The following DPH6 variants were observed in gnomAD, a reference collection of about 807,000 sequenced individuals.
DPH6 encodes the protein diphthamine biosynthesis 6, also known as diphthine--ammonia ligase.
A neutral mutation model predicts 38.2 loss-of-function variants in DPH6; 33 were observed. That is an observed-to-expected ratio of 0.86 (90% CI 0.65 to 1.15). The LOEUF (loss-of-function observed/expected upper bound fraction) is 1.15. DPH6 is among the 50% of genes most tolerant of loss of function. The pLI, the probability that DPH6 is intolerant of heterozygous loss-of-function variation, is 0.00. For synonymous variants in DPH6, 108 were observed against 103.0 expected (o/e 1.05, Z -0.30); for missense variants, 325 against 320.0 (o/e 1.02, Z -0.12).
At chr15:35,270,319 C>T (rs533940317) in intron 3 of DPH6, among the ~76,000 whole-genome samples, 3 of 152,274 alleles carry the variant, frequency 2.0e-5, no homozygotes, top group Non-Finnish European at 2.9e-5. Context: ...TTCAGAGAAA[C>T]AATATTATGA....
intron 6 of DPH6, chr15:35,401,645 C>A: frequency 1.3e-6 from 1 of 753,460 alleles, no homozygotes; most frequent in South Asian, 1.3e-5. Context: ...AGGTAGGAAA[C>A]TTTGGAGGCA....
intron 3 of DPH6, among the ~76,000 whole-genome samples, chr15:35,523,362 G>C (rs1198406910): frequency 1.3e-5 from 2 of 150,468 alleles, no homozygotes; most frequent in African/African-American, 2.4e-5. Context: ...AAATTAGTGA[G>C]GAATTCCCCA....
chr15:35,227,174 CTTTTTTTTTTTTTT>C (rs71415001), intron 3 of DPH6, among the ~76,000 whole-genome samples: 2 of 77,036 alleles, frequency 2.6e-5, no homozygotes, highest in Non-Finnish European at 5.3e-5. Context: ...ATAACATCTT[CTTTTTTTTTTTTTT>C]TTTTTTTTTT....
intron 6 of DPH6, among the ~76,000 whole-genome samples, chr15:35,402,169 G>C (rs1220106458): frequency 6.6e-6 from 1 of 152,180 alleles, no homozygotes; most frequent in Non-Finnish European, 1.5e-5. Flanking sequence ...CCAACAGTGT[G>C]AAGTTAGAAT....
intron 3 of DPH6, among the ~76,000 whole-genome samples, chr15:35,293,423 T>A (rs1002300108): frequency 6.6e-6 from 1 of 152,196 alleles, no homozygotes; most frequent in African/African-American, 2.4e-5. Context: ...CAAAAACACA[T>A]AATTAATCCT....
chr15:35,489,806 G>A lies in DPH6; in HGVS notation c.313-34986C>T, dbSNP rs144502679. 6.4e-3 allele frequency: 6,254 copies of A among 980,094 alleles called. 23 individuals carry two copies. The highest frequency in any genetic ancestry group is 7.1e-3 in the Non-Finnish European group (5,823 of 825,218). The allele number at this position is 980,094 out of a possible 1,614,324, so 60.7% of individuals were successfully genotyped here. ...ACAAAATTCTCTACCTTCATGTGCC[G>A]TTTTATTTGTCTAATAATGTACTTT... is the stretch of plus-strand genomic sequence containing the variant. On this transcript the variant is annotated intron_variant, in intron 3 of 8. Transcript: ENST00000256538.
chr15:35,246,897 T>C (rs1012273880), intron 3 of DPH6, among the ~76,000 whole-genome samples: 3 of 152,204 alleles, frequency 2.0e-5, no homozygotes, highest in Non-Finnish European at 4.4e-5. Context: ...CTAGATTTTA[T>C]GGCTGTGTAG....
At chr15:35,159,777 C>T in the DPH6 span, among the ~76,000 whole-genome samples, 2 of 151,878 alleles carry the variant, frequency 1.3e-5, no homozygotes, top group South Asian at 2.1e-4. Context: ...GCACTATTCA[C>T]AATAAGAAAA....
intron 6 of DPH6, among the ~76,000 whole-genome samples, chr15:35,402,114 G>A (rs115850551): frequency 0.021 from 3,206 of 152,208 alleles, 101 homozygotes; most frequent in African/African-American, 0.074. Flanking sequence ...TTTAAAAAAC[G>A]TGTTGTGTAG....
At chr15:35,384,659 G>A (rs1298689145) in intron 6 of DPH6, among the ~76,000 whole-genome samples, 2 of 132,132 alleles carry the variant, frequency 1.5e-5, no homozygotes, top group African/African-American at 6.6e-5. Flanking sequence ...GTGAAACTCT[G>A]TCTCAAAAAA....
At chr15:35,228,757 T>G (rs981850931) in intron 3 of DPH6, among the ~76,000 whole-genome samples, 5 of 152,220 alleles carry the variant, frequency 3.3e-5, no homozygotes, top group Admixed American at 6.5e-5. Context: ...GTTGATGAAA[T>G]TCCTCATCTT....
intron 3 of DPH6, among the ~76,000 whole-genome samples, chr15:35,486,588 C>T (rs2141162373): frequency 6.6e-6 from 1 of 152,140 alleles, no homozygotes; most frequent in South Asian, 2.1e-4. Flanking sequence ...CCCCATGATC[C>T]AATTACCTCC....
At position 35,543,259 on chromosome 15, in the gene DPH6, AATATATAT is replaced by A. The variant is rs6145522; in HGVS notation, c.24-760_24-753del. Among the ~76,000 whole-genome samples the A allele has an allele frequency of 7.9e-3, 899 of 113,976 alleles. 14 individuals are homozygous for A. Among genetic ancestry groups the A allele is most frequent in the African/African-American group, 0.033 (796 of 24,162 alleles). The allele number at this position is 113,976 out of a possible 152,430, so 74.8% of individuals were successfully genotyped here. A position where few individuals can be genotyped will look rare whatever the true frequency, so the allele number is the denominator to read the frequency against. ...ATACATATAGTACACACATACACAT[AATATATAT>A]ATATATATATATATATATATATATA... On this transcript the variant is annotated intron_variant, in intron 1 of 8. Transcript: ENST00000256538.
intron 3 of DPH6, among the ~76,000 whole-genome samples, chr15:35,243,587 G>C (rs1315949894): frequency 1.3e-5 from 2 of 149,062 alleles, no homozygotes; most frequent in African/African-American, 4.9e-5. Context: ...TTAACCCTGT[G>C]AATTTCCTTC....
chr15:35,149,884 G>T, the DPH6 span, among the ~76,000 whole-genome samples: 1 of 152,214 alleles, frequency 6.6e-6, no homozygotes, highest in African/African-American at 2.4e-5. Flanking sequence ...GTGCATAAAA[G>T]AATTATCTCT....
chr15:35,231,773 A>G (rs2051519683), intron 3 of DPH6, among the ~76,000 whole-genome samples: 1 of 152,142 alleles, frequency 6.6e-6, no homozygotes, highest in South Asian at 2.1e-4. Context: ...GTTTTTACTT[A>G]TGGTGGCAGG....
At chr15:35,282,967 C>T (rs1352926233) in intron 3 of DPH6, 4 of 291,258 alleles carry the variant, frequency 1.4e-5, no homozygotes, top group African/African-American at 4.5e-5. Flanking sequence ...TTGGCCTGCA[C>T]ATCTTGAGCT....
chr15:35,194,249 T>C, the DPH6 span, among the ~76,000 whole-genome samples: 1 of 151,962 alleles, frequency 6.6e-6, no homozygotes, highest in South Asian at 2.1e-4. Flanking sequence ...GAGCCTGGGG[T>C]TTCCTGACAT....
chr15:35,436,246 C>T (rs1251324572), intron 5 of DPH6, among the ~76,000 whole-genome samples: 1 of 151,728 alleles, frequency 6.6e-6, no homozygotes, highest in Non-Finnish European at 1.5e-5. Context: ...GCAGGCGGAT[C>T]ACGAGGTCAG....
Sources: allele counts gnomAD v4.1 joint callset (sites outside exome capture counted in the v4.1 genomes callset), GRCh38; gene constraint gnomAD v4.1.1; transcripts MANE v1.5; gene names NCBI Gene and HGNC (gene_info 2026-07-23, HGNC 2026-07-21).